Variants in FEZ2 observed in about 807,000 individuals in gnomAD.
The protein encoded by FEZ2 is fasciculation and elongation protein zeta-2.
In FEZ2, 51 loss-of-function variants were observed where a neutral mutation model predicts 40.4. That is an observed-to-expected ratio of 1.26 (90% CI 1.01 to 1.59). The LOEUF is 1.59. FEZ2 is among the 40% of genes most tolerant of loss of function. The pLI, the probability that FEZ2 is intolerant of heterozygous loss-of-function variation, is 0.00. For missense variants in FEZ2, 640 were observed against 438.3 expected (o/e 1.46, Z -4.11); for synonymous variants, 242 against 172.0 (o/e 1.41, Z -3.18).
chr2:36,560,214 T>C (rs1668056539), intron 5 of FEZ2, among the ~76,000 whole-genome samples: 1 of 152,252 alleles, frequency 6.6e-6, no homozygotes, highest in Non-Finnish European at 1.5e-5. Flanking sequence ...TGATTATATA[T>C]TCATATCTGT....
chr2:36,581,969 T>C (rs1470066325), intron 3 of FEZ2, among the ~76,000 whole-genome samples: 1 of 151,944 alleles, frequency 6.6e-6, no homozygotes, highest in Non-Finnish European at 1.5e-5. Flanking sequence ...TATATATTAA[T>C]TCAACGAAAA....
At position 36,552,967 on chromosome 2, in the gene FEZ2, G is replaced by A; in HGVS notation, c.*196C>T. On this transcript the variant is annotated 3_prime_UTR_variant, in exon 8 of 8. Coordinates refer to ENST00000405912, the MANE Select transcript of FEZ2 (RefSeq NM_005102.3). ...GTAGATTTAACAAAAACCATCTCTAGAATTCAAAATAGTGCCCATATTTCC... is the reference window on the plus strand; with the variant it reads ...GTAGATTTAACAAAAACCATCTCTAAAATTCAAAATAGTGCCCATATTTCC... The A allele has an allele frequency of 1.9e-6, 1 of 532,538 alleles. No homozygotes were observed. The highest frequency in any genetic ancestry group is 3.3e-5 in the South Asian group (1 of 30,730). 33.0% of individuals were successfully genotyped at this position (532,538 alleles called of 1,614,324 possible).
At chr2:36,560,980 G>T in intron 5 of FEZ2, 1 of 549,822 alleles carries the variant, frequency 1.8e-6, no homozygotes. Flanking sequence ...GTTAGAAAAT[G>T]CCACTACTCA....
At chr2:36,584,935 T>C (rs1315732480) in intron 2 of FEZ2, among the ~76,000 whole-genome samples, 1 of 152,158 alleles carries the variant, frequency 6.6e-6, no homozygotes, top group African/African-American at 2.4e-5. Context: ...ACGGTCCACC[T>C]ACAACCCTAT....
chr2:36,584,794 G>A (rs542192973), intron 2 of FEZ2, among the ~76,000 whole-genome samples: 4 of 152,172 alleles, frequency 2.6e-5, no homozygotes, highest in Admixed American at 2.0e-4. Flanking sequence ...TTCATAACAT[G>A]AGCATCTGAA....
At chr2:36,563,233 G>A (rs910851797) in intron 5 of FEZ2, among the ~76,000 whole-genome samples, 1 of 152,314 alleles carries the variant, frequency 6.6e-6, no homozygotes, top group African/African-American at 2.4e-5. Context: ...TTTAGGCTTA[G>A]GGGAAATTAG....
Position 36,553,171 on chromosome 2 carries a change from G to C in FEZ2, c.1054C>G (p.Pro352Ala). ...LTDYILKVLC[P>A]T is the part of the protein sequence containing the mutation. Reference sequence around the variant, plus strand: ...CAGATAAAGTTGCTGCTCTATGTAGGACACAGAACTAGAAGAAAAAGAGAA... The same window carrying C: ...CAGATAAAGTTGCTGCTCTATGTAGCACACAGAACTAGAAGAAAAAGAGAA... The change falls in exon 8 of 8, where the codon CCT becomes GCT. Residue 352 changes from proline to alanine, a missense_variant. Pro to Ala is a conservative substitution (Grantham distance 27). Coordinates refer to ENST00000405912, the MANE Select transcript of FEZ2 (RefSeq NM_005102.3). 4 of 1,563,042 alleles carry C rather than the reference G, an allele frequency of 2.6e-6. No individual in the cohort carries two copies. The highest frequency in any genetic ancestry group is 3.5e-6 in the Non-Finnish European group (4 of 1,151,536).
chr2:36,564,822 G>C lies in FEZ2; in HGVS notation c.904-6309C>G, dbSNP rs372431470. Among the ~76,000 whole-genome samples the C allele has an allele frequency of 6.8e-4, 104 of 152,292 alleles. 3 individuals are homozygous for C. In the South Asian group the frequency reaches 0.02, roughly 29 times the overall value. ...GGAGGTCTTGCAATTCTCATTCAAT[G>C]GGATGGAACACAGCATCTATGGAAT... is the stretch of plus-strand genomic sequence containing the variant. On this transcript the variant is annotated intron_variant, in intron 5 of 7. Coordinates refer to ENST00000405912, the MANE Select transcript of FEZ2 (RefSeq NM_005102.3).
At chr2:36,586,361 A>C (rs1395280643) in intron 2 of FEZ2, among the ~76,000 whole-genome samples, 1 of 152,174 alleles carries the variant, frequency 6.6e-6, no homozygotes, top group Non-Finnish European at 1.5e-5. Flanking sequence ...CGGGGTGGGC[A>C]CAGTGGCTCA....
intron 1 of FEZ2, among the ~76,000 whole-genome samples, chr2:36,593,349 C>T (rs1406913176): frequency 1.3e-5 from 2 of 152,078 alleles, no homozygotes; most frequent in Non-Finnish European, 2.9e-5. Flanking sequence ...TGTGTGGGGG[C>T]TCCAACCCCA....
chr2:36,581,310 C>G lies in FEZ2; in HGVS notation c.614G>C (p.Ser205Thr). 1 of 1,613,864 alleles carries G rather than the reference C, an allele frequency of 6.2e-7. No homozygotes were observed. Among genetic ancestry groups the G allele is most frequent in the Non-Finnish European group, 8.5e-7 (1 of 1,179,794 alleles). Residue 205 changes from serine (S) to threonine (T), a missense_variant, in exon 4 of 8, where the codon AGT becomes ACT. Transcript: ENST00000405912. Reference sequence around the variant, plus strand: ...CTTACTCTCTTCATAACTGCCGGTACTAGACCTCTTGAGAGTTTGAATTTC... The same window carrying G: ...CTTACTCTCTTCATAACTGCCGGTAGTAGACCTCTTGAGAGTTTGAATTTC... The part of the protein sequence containing the change: ...SQEIQTLKRS[S>T]TGSYEERVKR...
chr2:36,596,629 A>G (rs1264621945), intron 1 of FEZ2, among the ~76,000 whole-genome samples: 1 of 151,764 alleles, frequency 6.6e-6, no homozygotes, highest in East Asian at 1.9e-4. Flanking sequence ...GGACTTCACT[A>G]ATTTTTTTTT....
chr2:36,562,870 T>C (rs2110987), intron 5 of FEZ2, among the ~76,000 whole-genome samples: 50,770 of 152,094 alleles, frequency 0.33, 8,668 homozygotes, highest in Middle Eastern at 0.52. Context: ...AGAGTACTTG[T>C]TTTTAAGTAC....
intron 5 of FEZ2, among the ~76,000 whole-genome samples, chr2:36,561,821 A>T (rs1276613450): frequency 6.6e-6 from 1 of 152,240 alleles, no homozygotes; most frequent in Non-Finnish European, 1.5e-5. Context: ...TGAGGAGTCA[A>T]CATAAAGAAT....
In FEZ2 at chr2:36,564,750, G is replaced by A. The variant is rs148397884; in HGVS notation, c.904-6237C>T. ...ATCTTCTCAGAGAACAAAACCAAAA[G>A]CAGCCAACCGGGCCAACTCGGGAGT... On this transcript the variant is annotated intron_variant, in intron 5 of 7. Coordinates refer to ENST00000405912, the MANE Select transcript of FEZ2 (RefSeq NM_005102.3). Among the ~76,000 whole-genome samples, 155 of 152,158 alleles carry A rather than the reference G, an allele frequency of 1.0e-3. 5 individuals are homozygous for A. The East Asian group carries it at 0.023, about 22-fold the overall frequency.
intron 5 of FEZ2, among the ~76,000 whole-genome samples, chr2:36,566,913 T>C (rs1668256281): frequency 6.6e-6 from 1 of 151,896 alleles, no homozygotes; most frequent in South Asian, 2.1e-4. Flanking sequence ...AGATCCATTA[T>C]TAAGCAAATT....
chr2:36,592,267 T>G (rs1218525757), intron 1 of FEZ2, among the ~76,000 whole-genome samples: 1 of 151,740 alleles, frequency 6.6e-6, no homozygotes, highest in African/African-American at 2.4e-5. Context: ...GGCATAAACA[T>G]AAGAATGAAT....
chr2:36,580,553 C>G (rs975903634), intron 4 of FEZ2, among the ~76,000 whole-genome samples: 2 of 152,298 alleles, frequency 1.3e-5, no homozygotes, highest in South Asian at 4.1e-4. Flanking sequence ...TGTAGAGTTT[C>G]TAGAGTTCAT....
At chr2:36,574,830 G>GCT (rs1462011308) in intron 5 of FEZ2, among the ~76,000 whole-genome samples, 21 of 152,216 alleles carry the variant, frequency 1.4e-4, no homozygotes, top group African/African-American at 5.1e-4. Flanking sequence ...CCCATCCTCT[G>GCT]CTCCTCCAGA....
Sources: gnomAD v4.1 joint callset for allele counts (sites outside exome capture counted in the v4.1 genomes callset) on GRCh38, gnomAD v4.1.1 for gene constraint, MANE v1.5 for transcripts, NCBI Gene and HGNC (gene_info 2026-07-23, HGNC 2026-07-21) for gene names.